JAK3: variants seen among roughly 807,000 people sequenced by gnomAD.
JAK3 encodes Janus kinase 3, also known as tyrosine-protein kinase JAK3.
A neutral mutation model predicts 120.8 loss-of-function variants in JAK3; 88 were observed. That is an observed-to-expected ratio of 0.73 (90% CI 0.61 to 0.87). JAK3 has a LOEUF of 0.87. Ranked by LOEUF, JAK3 falls within the 40% of genes least tolerant of loss-of-function variation. The pLI, the probability that JAK3 is intolerant of heterozygous loss-of-function variation, is 0.00. For missense variants in JAK3, 1,254 were observed against 1,501.4 expected, an observed-to-expected ratio of 0.84 and a Z score of 2.72; for synonymous variants, 592 against 628.6, an observed-to-expected ratio of 0.94 and a Z score of 0.87.
rs3212719 is a variant in JAK3 at position 17,843,685 on chromosome 19, C to T, written c.308+92G>A. 4.7e-3 allele frequency: 7,069 copies of T among 1,500,876 alleles called. 308 individuals carry two copies. In the African/African-American group the frequency reaches 0.087, roughly 18 times the overall value. The allele number at this position is 1,500,876 out of a possible 1,614,324, so 93.0% of individuals were successfully genotyped here. A position where few individuals can be genotyped will look rare whatever the true frequency, so the allele number is the denominator to read the frequency against. ...TCCTCATCTGAGAAATGGGTAGTGA[C>T]CATACCTCCCTGGGGCAGGGGTGTG... On this transcript the variant is annotated intron_variant, in intron 3 of 23. Coordinates refer to ENST00000458235, the MANE Select transcript of JAK3 (RefSeq NM_000215.4). This position sits in a 1 kb window ranked among gnomAD's most constrained non-coding sequence, Gnocchi z 5.4.
intron 23 of JAK3, among the ~76,000 whole-genome samples, chr19:17,827,588 C>G (rs1178639691): frequency 6.6e-6 from 1 of 151,334 alleles, no homozygotes; most frequent in Non-Finnish European, 1.5e-5. Context: ...CTCATGTAAT[C>G]CACCCACCTC....
In JAK3 at chr19:17,841,319, C is replaced by T; in HGVS notation, c.1142+70G>A. On this transcript the variant is annotated intron_variant, in intron 8 of 23. Coordinates refer to ENST00000458235, the MANE Select transcript of JAK3 (RefSeq NM_000215.4). This position sits in a 1 kb window ranked among gnomAD's most constrained non-coding sequence, Gnocchi z 4.1. ...GTCCAGGGCTCCTGGAAGGTGAGGA[C>T]ACTGAGGCATAGAGAAGGGGAGGGG... is the stretch of plus-strand genomic sequence containing the variant. 6.8e-7 allele frequency: 1 copy of T among 1,479,518 alleles called. No individual in the cohort carries two copies. The highest frequency in any genetic ancestry group is 1.4e-5 in the African/African-American group (1 of 72,106). 91.6% of individuals were successfully genotyped at this position (1,479,518 alleles called of 1,614,324 possible).
intron 9 of JAK3, 70 bp from the exon 10 acceptor site, chr19:17,839,733 T>C (rs2094233196): frequency 2.3e-6 from 3 of 1,293,664 alleles, no homozygotes; most frequent in South Asian, 1.4e-5. Context: ...TTCTTCCTTT[T>C]TTTTCTTTTT....
rs199822304 is a variant in JAK3 at position 17,831,667 on chromosome 19, C to T, written c.2805+7G>A. On this transcript the variant is annotated splice_region_variant and intron_variant, in intron 20 of 23. Transcript: ENST00000458235. This position sits in a 1 kb window ranked among gnomAD's most constrained non-coding sequence, Gnocchi z 5.1. ...ATCCCCACAAGTCCCGGGGCGCCCCCTCGCACCTTGCAGATCTGCGAGGAA... is the reference window on the plus strand; with the variant it reads ...ATCCCCACAAGTCCCGGGGCGCCCCTTCGCACCTTGCAGATCTGCGAGGAA... The T allele has an allele frequency of 6.2e-7, 1 of 1,605,268 alleles. No individual in the cohort carries two copies. The highest frequency in any genetic ancestry group is 8.5e-7 in the Non-Finnish European group (1 of 1,176,812).
Position 17,832,703 on chromosome 19 carries a change from G to T in JAK3, c.2496C>A (p.Asn832Lys). The T allele has an allele frequency of 1.2e-6, 2 of 1,614,236 alleles. No homozygotes were observed. Among genetic ancestry groups the T allele is most frequent in the Non-Finnish European group, 1.7e-6 (2 of 1,180,048 alleles). The change falls in exon 19 of 24, where the codon AAC (asparagine) becomes AAA (lysine). Residue 832 changes from asparagine (N) to lysine (K), a missense_variant. Asn to Lys is a moderately conservative substitution (Grantham distance 94, BLOSUM62 0). This residue lies in a region of JAK3 where 630 missense variants were observed against 819.8 expected (regional missense o/e 0.77). Transcript: ENST00000458235. This position sits in a 1 kb window ranked among gnomAD's most constrained non-coding sequence, Gnocchi z 4.7. ...AGCGGCACAGCTCCACGCTGCCAAA[G>T]TTGCCCTGGGGGATAGCGGGACTGA... is the stretch of plus-strand genomic sequence containing the variant. ...LKYISQLGKG[N>K]FGSVELCRYD...
chr19:17,830,544 C>A lies in JAK3; in HGVS notation c.3055G>T (p.Glu1019Ter). 6.2e-7 allele frequency: 1 copy of A among 1,613,536 alleles called. No individual in the cohort carries two copies. The highest frequency in any genetic ancestry group is 2.2e-5 in the East Asian group (1 of 44,816). ...DVWSFGVVLY[E>*]LFTYCDKSCS... ...CTTTTGTCGCAGTAGGTGAAGAGCT[C>A]GTACAGGACGACCCCGAAGCTCCAG... Residue 1019 changes from glutamate (E) to a stop codon, truncating the protein, a stop_gained, in exon 22 of 24, where the codon GAG becomes TAG. Transcript: ENST00000458235. LOFTEE classifies it high-confidence loss of function.
chr19:17,830,667 G>T, intron 21 of JAK3, 47 bp from the exon 22 acceptor site: 1 of 1,466,718 alleles, frequency 6.8e-7, no homozygotes, highest in Non-Finnish European at 9.6e-7. Flanking sequence ...AGAAAGGACA[G>T]GAAGAGGGGG....
At chr19:17,827,761 T>C (rs1378278227) in intron 23 of JAK3, among the ~76,000 whole-genome samples, 1 of 80,744 alleles carries the variant, frequency 1.2e-5, no homozygotes, top group Non-Finnish European at 2.5e-5. Context: ...AAAAAAAAAT[T>C]ACAGGTGGCG....
chr19:17,828,441 G>A (rs1394541711), intron 23 of JAK3, among the ~76,000 whole-genome samples: 7 of 151,548 alleles, frequency 4.6e-5, no homozygotes, highest in Non-Finnish European at 1.0e-4. Flanking sequence ...TGTTTGTAGA[G>A]ACAAGGTCTC....
chr19:17,846,107 T>G lies in JAK3; in HGVS notation c.-13-1677A>C, dbSNP rs118109133. ...TGCTGGGATTACCGGCGTGAGAAAC[T>G]GCGCCTGGCCTAATGAGGTTTAAGA... On this transcript the variant is annotated intron_variant, in intron 1 of 23. Transcript: ENST00000458235. 1.1e-3 allele frequency among the ~76,000 whole-genome samples: 161 copies of G among 152,068 alleles called. 2 individuals carry two copies. In the East Asian group the frequency reaches 0.023, roughly 22 times the overall value.
At chr19:17,839,685 G>T in intron 9 of JAK3, 22 bp from the exon 10 acceptor site, 9 of 1,580,444 alleles carry the variant, frequency 5.7e-6, no homozygotes, top group Non-Finnish European at 7.8e-6. Flanking sequence ...AGTGGCCCCT[G>T]AGTGGGACTG....
chr19:17,838,020 C>T lies in JAK3; in HGVS notation c.1613G>A (p.Gly538Asp), dbSNP rs2147687631. The change falls in exon 12 of 24, where the codon GGC (glycine) becomes GAC (aspartate). Residue 538 changes from glycine to aspartate, a missense_variant. By Grantham distance (94) the Gly-to-Asp change is moderately conservative (BLOSUM62 -1). Around this residue, in one of 3 missense-constraint regions of JAK3, gnomAD observed 630 missense variants for 819.8 expected, o/e 0.77. Coordinates refer to ENST00000458235, the MANE Select transcript of JAK3 (RefSeq NM_000215.4). Reference sequence around the variant, plus strand: ...CCCATCCACCACCTCATGGCGACAGCCCCGGTAAATCTTGGTGAAGGACCC... The same window carrying T: ...CCCATCCACCACCTCATGGCGACAGTCCCGGTAAATCTTGGTGAAGGACCC... ...GHGSFTKIYR[G>D]CRHEVVDGEA... 6.2e-7 allele frequency: 1 copy of T among 1,614,120 alleles called. No individual in the cohort carries two copies.
rs764991163 is a variant in JAK3 at position 17,831,662 on chromosome 19, G to GC, written c.2805+11dup. 1 of 1,602,834 alleles carries GC rather than the reference G, an allele frequency of 6.2e-7. No individual in the cohort carries two copies. Among genetic ancestry groups the GC allele is most frequent in the Non-Finnish European group, 8.5e-7 (1 of 1,175,704 alleles). On this transcript the variant is annotated intron_variant, in intron 20 of 23. Coordinates refer to ENST00000458235, the MANE Select transcript of JAK3 (RefSeq NM_000215.4). This position sits in a 1 kb window ranked among gnomAD's most constrained non-coding sequence, Gnocchi z 5.1. ...GCTGAATCCCCACAAGTCCCGGGGC[G>GC]CCCCCTCGCACCTTGCAGATCTGCG...
Position 17,841,326 on chromosome 19 carries a change from G to A in JAK3, c.1142+63C>T. The stretch of plus-strand genomic sequence containing the variant: ...GCTCCTGGAAGGTGAGGACACTGAG[G>A]CATAGAGAAGGGGAGGGGCCCTGAG... On this transcript the variant is annotated intron_variant, in intron 8 of 23. Transcript: ENST00000458235. This position sits in a 1 kb window ranked among gnomAD's most constrained non-coding sequence, Gnocchi z 4.1. 6.7e-7 allele frequency: 1 copy of A among 1,497,352 alleles called. No homozygotes were observed. Among genetic ancestry groups the A allele is most frequent in the Non-Finnish European group, 9.0e-7 (1 of 1,113,206 alleles). The allele number at this position is 1,497,352 out of a possible 1,614,324, so 92.8% of individuals were successfully genotyped here.
Position 17,831,847 on chromosome 19 carries a change from C to A in JAK3, c.2681-49G>T. On this transcript the variant is annotated intron_variant, in intron 19 of 23. Transcript: ENST00000458235. The surrounding 1 kb of genome is among the most constrained non-coding windows in gnomAD (Gnocchi z 5.1). Reference sequence around the variant, plus strand: ...AGCAGGGCCCAGCCCTGCTCGTCCCCCCATTCTTCCCCCCTTTCACAGTGG... The same window carrying A: ...AGCAGGGCCCAGCCCTGCTCGTCCCACCATTCTTCCCCCCTTTCACAGTGG... 1 of 1,605,390 alleles carries A rather than the reference C, an allele frequency of 6.2e-7. No individual in the cohort carries two copies. The highest frequency in any genetic ancestry group is 1.1e-5 in the South Asian group (1 of 90,754).
Position 17,825,195 on chromosome 19 carries a change from G to A in JAK3, c.*1548C>T, listed in dbSNP as rs191522931. 58 of 229,646 alleles carry A rather than the reference G, an allele frequency of 2.5e-4. 1 individual carries two copies. The East Asian group carries it at 2.6e-3, about 10-fold the overall frequency. 14.2% of individuals were successfully genotyped at this position (229,646 alleles called of 1,614,324 possible). On this transcript the variant is annotated 3_prime_UTR_variant, in exon 24 of 24. Transcript: ENST00000458235. ...GAGACCCAGAGAGGGAAAGGAACTT[G>A]CCCACTGTCACACTGCATGGAAGGG...
At chr19:17,830,422 C>T (rs376176340) in intron 22 of JAK3, 81 bp downstream of exon 22, 1 of 1,157,246 alleles carries the variant, frequency 8.6e-7, no homozygotes, top group Non-Finnish European at 1.3e-6. Flanking sequence ...TAAAGAGGGA[C>T]GCAGGCGCAG....
At chr19:17,834,432 G>T in intron 17 of JAK3, 139 bp downstream of exon 17, 1 of 811,032 alleles carries the variant, frequency 1.2e-6, no homozygotes, top group Non-Finnish European at 2.1e-6. Flanking sequence ...AGCTGTTGAA[G>T]CTCACACTGA....
rs374241251 is a variant in JAK3 at position 17,841,350 on chromosome 19, A to C, written c.1142+39T>G. ...GGCATAGAGAAGGGGAGGGGCCCTG[A>C]GTGGCCACAGAGGCCGGGAATGGGG... On this transcript the variant is annotated intron_variant, in intron 8 of 23. Transcript: ENST00000458235. This position sits in a 1 kb window ranked among gnomAD's most constrained non-coding sequence, Gnocchi z 4.1. 36 of 1,531,596 alleles carry C rather than the reference A, an allele frequency of 2.4e-5. No individual in the cohort carries two copies. The Middle Eastern group carries it at 5.3e-4, about 23-fold the overall frequency. The allele number at this position is 1,531,596 out of a possible 1,614,324, so 94.9% of individuals were successfully genotyped here. A position where few individuals can be genotyped will look rare whatever the true frequency, so the allele number is the denominator to read the frequency against.
Sources: allele counts gnomAD v4.1 joint callset (sites outside exome capture counted in the v4.1 genomes callset), GRCh38; gene constraint gnomAD v4.1.1; regional missense constraint gnomAD v4.1.1; non-coding constraint Gnocchi (gnomAD v3.1); transcripts MANE v1.5; gene names NCBI Gene and HGNC (gene_info 2026-07-23, HGNC 2026-07-21).